FHOD3: variants seen among roughly 807,000 people sequenced by gnomAD.
FHOD3 encodes the protein FH1/FH2 domain-containing protein 3.
A neutral mutation model predicts 173.0 loss-of-function variants in FHOD3; 90 were observed. That is an observed-to-expected ratio of 0.52 (90% confidence interval 0.44 to 0.62). The LOEUF (loss-of-function observed/expected upper bound fraction) is 0.62, where lower values mean the gene tolerates loss of function less well. FHOD3 is among the 20% of genes least tolerant of loss of function. The pLI, the probability that FHOD3 is intolerant of heterozygous loss-of-function variation, is 0.00. For synonymous variants in FHOD3, 828 were observed against 823.0 expected (o/e 1.01, Z -0.10); for missense variants, 1,945 against 2,034.7 (o/e 0.96, Z 0.85).
intron 3 of FHOD3, among the ~76,000 whole-genome samples, chr18:36,498,050 A>G (rs1335820777): frequency 6.6e-6 from 1 of 152,190 alleles, no homozygotes; most frequent in Admixed American, 6.5e-5. Context: ...ATATCTGGAA[A>G]ATCTCTAAAT....
intron 14 of FHOD3, among the ~76,000 whole-genome samples, chr18:36,675,596 A>G (rs548732603): frequency 6.6e-6 from 1 of 152,206 alleles, no homozygotes; most frequent in East Asian, 1.9e-4. Context: ...GCAGGCACCC[A>G]CCCTGCATTC....
At chr18:36,595,378 T>C (rs2030160092) in intron 7 of FHOD3, among the ~76,000 whole-genome samples, 1 of 152,134 alleles carries the variant, frequency 6.6e-6, no homozygotes, top group African/African-American at 2.4e-5. Context: ...AACAGTTCGG[T>C]CACATCCAAA....
intron 14 of FHOD3, among the ~76,000 whole-genome samples, chr18:36,675,244 C>G (rs543750273): frequency 4.6e-5 from 7 of 152,168 alleles, no homozygotes; most frequent in African/African-American, 1.7e-4. Context: ...GCTGTGTCCT[C>G]TGATGCTCTG....
intron 3 of FHOD3, among the ~76,000 whole-genome samples, chr18:36,426,430 C>T (rs1027389194): frequency 4.6e-5 from 7 of 152,028 alleles, no homozygotes; most frequent in African/African-American, 1.5e-4. Context: ...AAGATTTGTC[C>T]CTTGCCTTCC....
At chr18:36,751,392 T>G (rs991967029) in intron 24 of FHOD3, among the ~76,000 whole-genome samples, 14 of 152,214 alleles carry the variant, frequency 9.2e-5, no homozygotes, top group African/African-American at 2.9e-4. Context: ...TGATGGAGTT[T>G]TCTGGATATA....
At position 36,522,618 on chromosome 18, in the gene FHOD3, T is replaced by C. The variant is rs1219386788; in HGVS notation, c.511+10075T>C. 3.3e-5 allele frequency among the ~76,000 whole-genome samples: 5 copies of C among 152,200 alleles called. No individual in the cohort carries two copies. In the East Asian group the frequency reaches 9.6e-4, roughly 29 times the overall value. ...AGATGGACTGTGGATTTCTTGGAGA[T>C]GGGAGTAGTATCATCACAACCTTTG... On this transcript the variant is annotated intron_variant, in intron 5 of 28. Coordinates refer to ENST00000590592, the MANE Select transcript of FHOD3 (RefSeq NM_001281740.3).
At chr18:36,318,317 A>G (rs986429615) in intron 1 of FHOD3, among the ~76,000 whole-genome samples, 1 of 152,226 alleles carries the variant, frequency 6.6e-6, no homozygotes, top group Admixed American at 6.5e-5. Context: ...TACTTTGGGC[A>G]GTACAACCAT....
At chr18:36,550,473 TA>T (rs1307947804) in intron 5 of FHOD3, among the ~76,000 whole-genome samples, 11 of 151,984 alleles carry the variant, frequency 7.2e-5, no homozygotes, top group African/African-American at 2.6e-4. Context: ...TGTAAATTTC[TA>T]GGGGGAAAAA....
At chr18:36,558,691 C>T (rs754360760) in intron 5 of FHOD3, among the ~76,000 whole-genome samples, 83 of 152,118 alleles carry the variant, frequency 5.5e-4, no homozygotes, top group Non-Finnish European at 6.0e-4. Context: ...AAGATCAAGG[C>T]ATATCTATGC....
chr18:36,425,466 T>C (rs1879649988), intron 3 of FHOD3, among the ~76,000 whole-genome samples: 1 of 152,166 alleles, frequency 6.6e-6, no homozygotes, highest in African/African-American at 2.4e-5. Flanking sequence ...TAAGAAAAGC[T>C]TTATGTTCTA....
At chr18:36,617,346 C>G (rs1228490000) in intron 9 of FHOD3, among the ~76,000 whole-genome samples, 1 of 152,134 alleles carries the variant, frequency 6.6e-6, no homozygotes, top group African/African-American at 2.4e-5. Flanking sequence ...TGAATTTTGT[C>G]TGTTTTCAAG....
At chr18:36,598,073 C>T (rs527904349) in intron 7 of FHOD3, among the ~76,000 whole-genome samples, 48 of 152,242 alleles carry the variant, frequency 3.2e-4, no homozygotes, top group Middle Eastern at 3.4e-3. Context: ...AGCAGCTCTC[C>T]GGTTCCCTCT....
At position 36,658,060 on chromosome 18, in the gene FHOD3, C is replaced by A; in HGVS notation, c.1722-15C>A. 6.3e-7 allele frequency: 1 copy of A among 1,578,216 alleles called. No individual in the cohort carries two copies. Among genetic ancestry groups the A allele is most frequent in the South Asian group, 1.1e-5 (1 of 90,048 alleles). On this transcript the variant is annotated splice_polypyrimidine_tract_variant and intron_variant, in intron 13 of 28. Transcript: ENST00000590592. ...CTATCCTTTTCCCCCCAACTTAAACCTCTGCACTTCTTAGATACAGCAATT... is the reference window on the plus strand; with the variant it reads ...CTATCCTTTTCCCCCCAACTTAAACATCTGCACTTCTTAGATACAGCAATT...
intron 3 of FHOD3, among the ~76,000 whole-genome samples, chr18:36,477,853 G>A (rs1599301773): frequency 6.6e-6 from 1 of 152,136 alleles, no homozygotes; most frequent in Non-Finnish European, 1.5e-5. Context: ...AAGTAAGGGA[G>A]CAAAGATGGC....
chr18:36,667,387 A>G (rs1264270100), intron 14 of FHOD3, among the ~76,000 whole-genome samples: 1 of 152,234 alleles, frequency 6.6e-6, no homozygotes, highest in Non-Finnish European at 1.5e-5. Context: ...AACTCACAGA[A>G]GATGAAATAA....
intron 5 of FHOD3, among the ~76,000 whole-genome samples, chr18:36,528,067 G>C (rs2056609811): frequency 6.6e-6 from 1 of 152,140 alleles, no homozygotes; most frequent in South Asian, 2.1e-4. Flanking sequence ...ACTTGCACCT[G>C]GATCCTCTGT....
chr18:36,637,782 C>T (rs1361057089), intron 10 of FHOD3, among the ~76,000 whole-genome samples: 1 of 152,124 alleles, frequency 6.6e-6, no homozygotes, highest in African/African-American at 2.4e-5. Flanking sequence ...TCCAGAAGTG[C>T]ACAAGGATGT....
At chr18:36,776,710 C>G (rs2043681249) in intron 28 of FHOD3, among the ~76,000 whole-genome samples, 1 of 152,180 alleles carries the variant, frequency 6.6e-6, no homozygotes, top group African/African-American at 2.4e-5. Context: ...TGGCTTTTCC[C>G]TCACAGCAGA....
At chr18:36,557,909 C>T (rs768194919) in intron 5 of FHOD3, among the ~76,000 whole-genome samples, 1 of 152,132 alleles carries the variant, frequency 6.6e-6, no homozygotes, top group Non-Finnish European at 1.5e-5. Context: ...TAGGTGAAAC[C>T]AGAGAAGCAT....
Sources: allele counts gnomAD v4.1 joint callset (sites outside exome capture counted in the v4.1 genomes callset), GRCh38; gene constraint gnomAD v4.1.1; transcripts MANE v1.5; gene names NCBI Gene and HGNC (gene_info 2026-07-23, HGNC 2026-07-21).